The following GLS2 variants were observed in gnomAD, a reference collection of about 807,000 sequenced individuals.
The protein encoded by GLS2 is glutaminase 2.
In GLS2, 52 loss-of-function variants were observed where a neutral mutation model predicts 79.0. The ratio of observed to expected loss-of-function variants is 0.66; its 90% CI spans 0.53 to 0.83. The LOEUF (loss-of-function observed/expected upper bound fraction) is 0.83. Among genes scored for constraint, GLS2 ranks in the 40% least tolerant of loss-of-function variants. The pLI, the probability that GLS2 is intolerant of heterozygous loss-of-function variation, is 0.00. For synonymous variants in GLS2, 238 were observed against 280.8 expected (o/e 0.85, Z 1.52); for missense variants, 561 against 764.8 (o/e 0.73, Z 3.14).
intron 9 of GLS2, 171 bp from the exon 10 acceptor site, chr12:56,475,281 T>C (rs1592275325): frequency 6.7e-7 from 1 of 1,498,612 alleles, no homozygotes; most frequent in East Asian, 2.4e-5. Flanking sequence ...GAGCAAACAC[T>C]CAGCATAGTT....
chr12:56,479,043 G>A lies in GLS2; in HGVS notation c.534+9C>T. The A allele has an allele frequency of 1.2e-6, 2 of 1,611,016 alleles. No homozygotes were observed. Among genetic ancestry groups the A allele is most frequent in the African/African-American group, 2.7e-5 (2 of 74,488 alleles). ...TCCCTGACCCCTCCCTTAGTCCCCT[G>A]ACTCTCACTTTGCCTCCAGTGAGCT... On this transcript the variant is annotated intron_variant, in intron 4 of 17. Transcript: ENST00000311966.
intron 1 of GLS2, among the ~76,000 whole-genome samples, chr12:56,480,891 C>T (rs926082193): frequency 2.0e-5 from 3 of 152,202 alleles, no homozygotes; most frequent in Non-Finnish European, 2.9e-5. Context: ...TGTAGTAGAC[C>T]AGAGTTTGCC....
rs749055013 is a variant in GLS2 at position 56,478,183 on chromosome 12, C to A, written c.614G>T (p.Arg205Leu). The A allele has an allele frequency of 1.9e-6, 3 of 1,614,184 alleles. No individual in the cohort carries two copies. The highest frequency in any genetic ancestry group is 2.5e-6 in the Non-Finnish European group (3 of 1,180,026). ...GVSLCTVDGQ[R>L]HSVGHTKIPF... ...CCCTTCCTCTTGCCCAGCATCTCAC[C>A]GTTGACCATCCACAGTGCACAGGGA... Residue 205 changes from arginine (R) to leucine (L), a missense_variant and splice_region_variant, in exon 5 of 18, where the codon CGG becomes CTG. Around this residue, in one of 4 missense-constraint regions of GLS2, gnomAD observed 221 missense variants for 275.6 expected, o/e 0.80. Coordinates refer to ENST00000311966, the MANE Select transcript of GLS2 (RefSeq NM_013267.4).
intron 9 of GLS2, 122 bp downstream of exon 9, chr12:56,475,502 C>A: frequency 9.6e-7 from 1 of 1,038,380 alleles, no homozygotes; most frequent in Non-Finnish European, 1.4e-6. Context: ...AGCTGGAGGG[C>A]CAAAGTTCCC....
intron 7 of GLS2, chr12:56,476,960 T>G (rs1869883698): frequency 6.6e-6 from 1 of 152,244 alleles, no homozygotes; most frequent in African/African-American, 2.4e-5. Context: ...GATACAGGTT[T>G]GTAGATGGAG....
chr12:56,486,990 GTGTT>G (rs1870745461), intron 1 of GLS2, among the ~76,000 whole-genome samples: 1 of 122,534 alleles, frequency 8.2e-6, no homozygotes, highest in Admixed American at 7.9e-5. Flanking sequence ...TGGTGAGGTA[GTGTT>G]GTGTCAGTCT....
Position 56,478,004 on chromosome 12 carries a change from T to A in GLS2, c.707A>T (p.Asp236Val). The change falls in exon 6 of 18, where the codon GAC becomes GTC. Residue 236 changes from aspartate (D) to valine (V), a missense_variant. By Grantham distance (152) the Asp-to-Val change is radical (BLOSUM62 -3). Around this residue, in one of 4 missense-constraint regions of GLS2, gnomAD observed 221 missense variants for 275.6 expected, o/e 0.80. Transcript: ENST00000311966. The part of the protein sequence containing the change: ...YAISISTLGT[D>V]YVHKFVGKEP... Reference sequence around the variant, plus strand: ...TTTGCCCACAAACTTGTGCACGTAGTCAGTGCCTAGGGTGCTTATGGAGAT... The same window carrying A: ...TTTGCCCACAAACTTGTGCACGTAGACAGTGCCTAGGGTGCTTATGGAGAT... The A allele has an allele frequency of 6.2e-7, 1 of 1,614,228 alleles. No homozygotes were observed. Among genetic ancestry groups the A allele is most frequent in the Non-Finnish European group, 8.5e-7 (1 of 1,180,036 alleles).
chr12:56,477,700 A>G lies in GLS2; in HGVS notation c.797T>C (p.Met266Thr). ...GACAACAATGGCACCAGCATTGACC[A>G]TGGGGTTATGGGGGATTCCTGGGGA... Reference protein sequence around the residue: ...LNEEGIPHNPMVNAGAIVVSS... With the variant: ...LNEEGIPHNPTVNAGAIVVSS... The change falls in exon 7 of 18, where the codon ATG (methionine) becomes ACG (threonine). Residue 266 changes from methionine (M) to threonine (T), a missense_variant. This residue lies in a region of GLS2 where 221 missense variants were observed against 275.6 expected (regional missense o/e 0.80). Coordinates refer to ENST00000311966, the MANE Select transcript of GLS2 (RefSeq NM_013267.4). 1 of 1,613,240 alleles carries G rather than the reference A, an allele frequency of 6.2e-7. No individual in the cohort carries two copies. Among genetic ancestry groups the G allele is most frequent in the Non-Finnish European group, 8.5e-7 (1 of 1,179,622 alleles).
At chr12:56,472,419 C>T in intron 15 of GLS2, 2 of 606,942 alleles carry the variant, frequency 3.3e-6, no homozygotes, top group East Asian at 2.8e-5. Flanking sequence ...TCACTGCCTA[C>T]CTGTGGTAAG....
intron 10 of GLS2, 25 bp from the exon 11 acceptor site, chr12:56,474,921 T>C (rs375271003): frequency 7.4e-6 from 12 of 1,613,912 alleles, no homozygotes; most frequent in African/African-American, 2.7e-5. Context: ...GGGGAGAGCA[T>C]TTCTCTTCAG....
At position 56,473,179 on chromosome 12, in the gene GLS2, G is replaced by A. The variant is rs543254535; in HGVS notation, c.1449+49C>T. On this transcript the variant is annotated intron_variant, in intron 14 of 17. Transcript: ENST00000311966. ...GCAGGGATTACAGGCGTGAGCCACCGCACCTGGCCTTTGAAATATTCTTAC... is the reference window on the plus strand; with the variant it reads ...GCAGGGATTACAGGCGTGAGCCACCACACCTGGCCTTTGAAATATTCTTAC... 1.7e-4 allele frequency: 272 copies of A among 1,558,634 alleles called. 3 individuals carry two copies. In the South Asian group the frequency reaches 2.3e-3, roughly 13 times the overall value.
At chr12:56,480,525 A>G in intron 1 of GLS2, 138 bp from the exon 2 acceptor site, 1 of 677,700 alleles carries the variant, frequency 1.5e-6, no homozygotes, top group East Asian at 2.7e-5. Context: ...CTATCCCTAT[A>G]AATCTAACTT....
intron 1 of GLS2, 60 bp from the exon 2 acceptor site, chr12:56,480,447 C>T: frequency 7.8e-7 from 1 of 1,279,014 alleles, no homozygotes; most frequent in South Asian, 1.2e-5. Context: ...CCTGCTCCTC[C>T]TTCTGCAACA....
intron 3 of GLS2, 113 bp downstream of exon 3, chr12:56,479,667 T>C: frequency 8.2e-7 from 1 of 1,225,884 alleles, no homozygotes; most frequent in Non-Finnish European, 1.1e-6. Context: ...TAATAAGTAA[T>C]AAAATAAAAT....
At chr12:56,479,001 A>T (rs1374040530) in intron 4 of GLS2, 51 bp downstream of exon 4, 1 of 1,562,376 alleles carries the variant, frequency 6.4e-7, no homozygotes, top group Admixed American at 2.1e-5. Flanking sequence ...AAAAAAAAAA[A>T]AAAAATCTGG....
At chr12:56,477,517 T>C in intron 7 of GLS2, 143 bp downstream of exon 7, 1 of 755,584 alleles carries the variant, frequency 1.3e-6, no homozygotes, top group East Asian at 2.5e-5. Context: ...TGTGGGTCCC[T>C]GCTGTGCCTC....
At position 56,487,930 on chromosome 12, in the gene GLS2, G is replaced by A; in HGVS notation, c.182+7C>T. 1 of 1,601,788 alleles carries A rather than the reference G, an allele frequency of 6.2e-7. No homozygotes were observed. The highest frequency in any genetic ancestry group is 8.5e-7 in the Non-Finnish European group (1 of 1,179,456). ...GCCCGTCCCCTGCCCTGTCCCAGGA[G>A]CCTTACTGATCCTGGTGCTGCGGCT... On this transcript the variant is annotated splice_region_variant and intron_variant, in intron 1 of 17. Transcript: ENST00000311966.
At chr12:56,483,371 G>A (rs572498503) in intron 1 of GLS2, among the ~76,000 whole-genome samples, 8 of 152,032 alleles carry the variant, frequency 5.3e-5, no homozygotes, top group African/African-American at 1.4e-4. Context: ...GAGCCACCGC[G>A]CCCGGCCCTC....
At position 56,484,772 on chromosome 12, in the gene GLS2, C is replaced by T. The variant is rs529638529; in HGVS notation, c.182+3165G>A. ...TGTAATGTTGAGGGAAAACAAGCAA[C>T]GTACAACAGCAATGTGTATAGTATG... On this transcript the variant is annotated intron_variant, in intron 1 of 17. Coordinates refer to ENST00000311966, the MANE Select transcript of GLS2 (RefSeq NM_013267.4). Among the ~76,000 whole-genome samples, 4 of 152,118 alleles carry T rather than the reference C, an allele frequency of 2.6e-5. No individual in the cohort carries two copies. In the South Asian group the frequency reaches 6.2e-4, roughly 24 times the overall value.
Sources: gnomAD v4.1 joint callset for allele counts (sites outside exome capture counted in the v4.1 genomes callset) on GRCh38, gnomAD v4.1.1 for gene constraint, gnomAD v4.1.1 regional missense constraint, MANE v1.5 for transcripts, NCBI Gene and HGNC (gene_info 2026-07-23, HGNC 2026-07-21) for gene names.